EVI5: variants seen among roughly 807,000 people sequenced by gnomAD.
EVI5 encodes ecotropic viral integration site 5 protein homolog.
EVI5 carries 73 observed loss-of-function variants against 112.0 expected under a neutral mutation model. The observed-to-expected ratio is 0.65, with a 90% CI of 0.54 to 0.79. The LOEUF is 0.79. EVI5 is among the 30% of genes least tolerant of loss of function. The pLI, the probability that EVI5 is intolerant of heterozygous loss-of-function variation, is 0.00. For missense variants in EVI5, 900 were observed against 968.8 expected (o/e 0.93, Z 0.94); for synonymous variants, 305 against 319.9 (o/e 0.95, Z 0.50).
chr1:92,618,302 C>G (rs1292261362), intron 16 of EVI5, among the ~76,000 whole-genome samples: 1 of 151,804 alleles, frequency 6.6e-6, no homozygotes, highest in Non-Finnish European at 1.5e-5. Flanking sequence ...GCCTAGAGGT[C>G]TTAGTTCCAG....
At chr1:92,586,250 G>A (rs1308644353) in intron 18 of EVI5, among the ~76,000 whole-genome samples, 1 of 152,046 alleles carries the variant, frequency 6.6e-6, no homozygotes, top group African/African-American at 2.4e-5. Context: ...TTTTCCTTTG[G>A]AGGGAAGTTG....
At position 92,608,477 on chromosome 1, in the gene EVI5, G is replaced by C. The variant is rs374861227; in HGVS notation, c.1828-750C>G. Among the ~76,000 whole-genome samples, 8 of 152,212 alleles carry C rather than the reference G, an allele frequency of 5.3e-5. No individual in the cohort carries two copies. In the East Asian group the frequency reaches 9.7e-4, roughly 18 times the overall value. On this transcript the variant is annotated intron_variant, in intron 16 of 19. Coordinates refer to ENST00000684568, the MANE Select transcript of EVI5 (RefSeq NM_001350197.2). ...CCAGCATTCTGGGAGACCAAGGTGG[G>C]CAGATCACTTGTGGCCAGGAGTTTG...
At chr1:92,571,481 T>A (rs763405736) in intron 18 of EVI5, among the ~76,000 whole-genome samples, 4 of 152,098 alleles carry the variant, frequency 2.6e-5, no homozygotes, top group Admixed American at 6.6e-5. Context: ...AATGTATCAA[T>A]AACCATTTAT....
At chr1:92,710,634 A>G (rs180838136) in intron 2 of EVI5, among the ~76,000 whole-genome samples, 1 of 152,220 alleles carries the variant, frequency 6.6e-6, no homozygotes, top group Admixed American at 6.5e-5. Flanking sequence ...TTTTCTATCA[A>G]CAAGGGAACA....
At chr1:92,724,337 C>G (rs1053604529) in intron 2 of EVI5, among the ~76,000 whole-genome samples, 15 of 152,044 alleles carry the variant, frequency 9.9e-5, no homozygotes, top group African/African-American at 3.6e-4. Context: ...AGAAAAGAAC[C>G]TACGTTGAAA....
intron 18 of EVI5, among the ~76,000 whole-genome samples, chr1:92,595,790 T>C (rs565234643): frequency 3.6e-4 from 55 of 152,184 alleles, no homozygotes; most frequent in African/African-American, 1.3e-3. Flanking sequence ...TTGAATTTTG[T>C]CCCCAACGCT....
At chr1:92,771,599 T>C (rs895009470) in intron 1 of EVI5, among the ~76,000 whole-genome samples, 2 of 80,318 alleles carry the variant, frequency 2.5e-5, no homozygotes, top group Non-Finnish European at 4.6e-5. Context: ...AATATATCAA[T>C]TTTCTTTTCT....
intron 18 of EVI5, chr1:92,580,956 T>C (rs540209446): frequency 1.3e-5 from 2 of 152,368 alleles, no homozygotes; most frequent in African/African-American, 4.8e-5. Flanking sequence ...ATCCTTGAAT[T>C]ACCTTTCTTC....
At chr1:92,622,172 T>G (rs191714416) in intron 16 of EVI5, 27 of 186,832 alleles carry the variant, frequency 1.4e-4, no homozygotes, top group Non-Finnish European at 2.8e-4. Flanking sequence ...ATTAAAAACC[T>G]GAATCTAGCA....
chr1:92,640,717 T>C (rs888791134), intron 13 of EVI5, among the ~76,000 whole-genome samples: 3 of 152,148 alleles, frequency 2.0e-5, no homozygotes, highest in African/African-American at 7.2e-5. Context: ...GACCCAGCAA[T>C]ACCATTACCA....
At chr1:92,603,116 T>C (rs550231977) in intron 18 of EVI5, among the ~76,000 whole-genome samples, 2 of 152,278 alleles carry the variant, frequency 1.3e-5, no homozygotes, top group Admixed American at 1.3e-4. Context: ...AGCTCATCAT[T>C]AGGGAAATGC....
chr1:92,512,474 A>G lies in EVI5; in HGVS notation c.*1182T>C, dbSNP rs1659245861. 6.6e-6 allele frequency: 1 copy of G among 152,224 alleles called. No homozygotes were observed. Among genetic ancestry groups the G allele is most frequent in the South Asian group, 2.1e-4 (1 of 4,838 alleles). 9.4% of individuals were successfully genotyped at this position (152,224 alleles called of 1,614,324 possible). A position where few individuals can be genotyped will look rare whatever the true frequency, so the allele number is the denominator to read the frequency against. ...CTAAGCAAAATACTAAAGCTCTTAA[A>G]ACATTAGTGTTTTATTTTTAACTTT... On this transcript the variant is annotated 3_prime_UTR_variant, in exon 20 of 20. Coordinates refer to ENST00000684568, the MANE Select transcript of EVI5 (RefSeq NM_001350197.2).
chr1:92,572,121 T>C (rs1181925301), intron 18 of EVI5, among the ~76,000 whole-genome samples: 2 of 152,118 alleles, frequency 1.3e-5, no homozygotes, highest in Non-Finnish European at 2.9e-5. Flanking sequence ...ACAAATCTGA[T>C]TCATATTAAG....
chr1:92,582,314 T>C (rs1672071435), intron 18 of EVI5, among the ~76,000 whole-genome samples: 1 of 152,110 alleles, frequency 6.6e-6, no homozygotes, highest in South Asian at 2.1e-4. Context: ...GGTGTGAGAG[T>C]TAATTTTTAA....
intron 2 of EVI5, among the ~76,000 whole-genome samples, chr1:92,721,485 C>G (rs1195047262): frequency 6.6e-6 from 1 of 152,082 alleles, no homozygotes; most frequent in African/African-American, 2.4e-5. Flanking sequence ...AATGAAAACA[C>G]TTGGACACAG....
At chr1:92,588,607 A>G (rs1437519624) in intron 18 of EVI5, among the ~76,000 whole-genome samples, 2 of 152,226 alleles carry the variant, frequency 1.3e-5, no homozygotes, top group Non-Finnish European at 2.9e-5. Context: ...TTCACACCAT[A>G]AGATTTATTT....
chr1:92,766,954 C>T (rs1393730978), intron 1 of EVI5, among the ~76,000 whole-genome samples: 1 of 151,820 alleles, frequency 6.6e-6, no homozygotes, highest in Non-Finnish European at 1.5e-5. Context: ...TGGTGGCACA[C>T]ACCTGTAATC....
At chr1:92,516,019 T>A (rs1001369064) in intron 19 of EVI5, among the ~76,000 whole-genome samples, 8 of 152,188 alleles carry the variant, frequency 5.3e-5, no homozygotes, top group Admixed American at 5.2e-4. Flanking sequence ...TGGAGTTGAA[T>A]CTTTAGGAAA....
chr1:92,760,927 G>A (rs939476853), intron 1 of EVI5, among the ~76,000 whole-genome samples: 7 of 150,410 alleles, frequency 4.7e-5, no homozygotes, highest in Non-Finnish European at 7.4e-5. Flanking sequence ...GCGTGGTGGT[G>A]GGCGCCTGTA....
Sources: allele counts gnomAD v4.1 joint callset (sites outside exome capture counted in the v4.1 genomes callset), GRCh38; gene constraint gnomAD v4.1.1; transcripts MANE v1.5; gene names NCBI Gene and HGNC (gene_info 2026-07-23, HGNC 2026-07-21).